Variants in CDYL2 observed in about 807,000 individuals in gnomAD.
CDYL2 encodes chromodomain Y-like protein 2.
Under a neutral mutation model 49.4 loss-of-function variants are expected in CDYL2, and 23 were observed. That is an observed-to-expected ratio of 0.47 (90% CI 0.34 to 0.66). The LOEUF is 0.66. Ranked by LOEUF, CDYL2 falls within the 30% of genes least tolerant of loss-of-function variation. The probability of loss-of-function intolerance (pLI) is 0.01; values close to 1 mark genes in which losing one functional copy is unlikely to be tolerated. For synonymous variants in CDYL2, 360 were observed against 268.8 expected, an observed-to-expected ratio of 1.34 and a Z score of -3.32; for missense variants, 678 against 656.4, an observed-to-expected ratio of 1.03 and a Z score of -0.36.
At chr16:80,760,918 G>A (rs1196295319) in intron 1 of CDYL2, among the ~76,000 whole-genome samples, 1 of 152,072 alleles carries the variant, frequency 6.6e-6, no homozygotes, top group Non-Finnish European at 1.5e-5. Context: ...AACATTAAGG[G>A]CCGGTGCGTC....
At position 80,598,015 on chromosome 16, in the gene CDYL2, G is replaced by A. The variant is rs555776840; in HGVS notation, c.*6373C>T. ...GGCACCCAGAAATGTGTTCATACAC[G>A]TTACAGGACCATTCACAAAGAGAGT... On this transcript the variant is annotated 3_prime_UTR_variant, in exon 7 of 7. Coordinates refer to ENST00000570137, the MANE Select transcript of CDYL2 (RefSeq NM_152342.4). 7 of 152,238 alleles carry A rather than the reference G, an allele frequency of 4.6e-5. No homozygotes were observed. In the South Asian group the frequency reaches 6.2e-4, roughly 14 times the overall value. 9.4% of individuals were successfully genotyped at this position (152,238 alleles called of 1,614,324 possible).
chr16:80,621,328 G>A (rs1266293214), intron 3 of CDYL2, among the ~76,000 whole-genome samples: 1 of 152,244 alleles, frequency 6.6e-6, no homozygotes, highest in Non-Finnish European at 1.5e-5. Context: ...AGGGATGTAA[G>A]CCATCTCTAG....
intron 5 of CDYL2, 46 bp from the exon 6 acceptor site, chr16:80,608,281 C>T (rs949020346): frequency 3.3e-6 from 5 of 1,511,358 alleles, no homozygotes; most frequent in East Asian, 5.0e-5. Context: ...GGAGGTCCAC[C>T]CATGTCCCTC....
At chr16:80,604,692 T>G in intron 6 of CDYL2, 146 bp from the exon 7 acceptor site, 2 of 772,760 alleles carry the variant, frequency 2.6e-6, no homozygotes, top group Non-Finnish European at 4.3e-6. Context: ...CCCAGTCCCA[T>G]GTTTCCAGCA....
chr16:80,714,944 T>C (rs1007667079), intron 1 of CDYL2, among the ~76,000 whole-genome samples: 2 of 152,082 alleles, frequency 1.3e-5, no homozygotes, highest in Non-Finnish European at 2.9e-5. Context: ...AAGTAGGATG[T>C]AGTCAAAGCC....
At chr16:80,688,996 G>A (rs1231475861) in intron 1 of CDYL2, among the ~76,000 whole-genome samples, 2 of 152,118 alleles carry the variant, frequency 1.3e-5, no homozygotes, top group Non-Finnish European at 2.9e-5. Context: ...ACCTGGGCAG[G>A]CCACTTGCTT....
chr16:80,772,070 G>A (rs915300385), intron 1 of CDYL2, among the ~76,000 whole-genome samples: 1 of 152,110 alleles, frequency 6.6e-6, no homozygotes, highest in African/African-American at 2.4e-5. Context: ...ATGGCAGCCA[G>A]AAGACAATGG....
intron 2 of CDYL2, among the ~76,000 whole-genome samples, chr16:80,641,241 G>C (rs1232241398): frequency 6.6e-6 from 1 of 152,098 alleles, no homozygotes; most frequent in Non-Finnish European, 1.5e-5. Flanking sequence ...CAATGTAGGA[G>C]CTTTAATACA....
intron 4 of CDYL2, among the ~76,000 whole-genome samples, chr16:80,615,760 T>C (rs745660169): frequency 5.6e-4 from 85 of 152,244 alleles, no homozygotes; most frequent in African/African-American, 2.0e-3. Flanking sequence ...CGTGCAGAGC[T>C]CTGACCCTCC....
At chr16:80,632,492 G>A (rs1459294005) in intron 3 of CDYL2, 1 of 155,932 alleles carries the variant, frequency 6.4e-6, no homozygotes, top group Non-Finnish European at 1.4e-5. Flanking sequence ...CAGTAGTGAT[G>A]ATGCTTGCAC....
chr16:80,793,028 C>A (rs967892364), intron 1 of CDYL2, among the ~76,000 whole-genome samples: 1 of 152,220 alleles, frequency 6.6e-6, no homozygotes, highest in Admixed American at 6.5e-5. Flanking sequence ...GCTTCGCCAT[C>A]TGTCCTAGCC....
chr16:80,763,081 T>A (rs1450342266), intron 1 of CDYL2, among the ~76,000 whole-genome samples: 1 of 152,112 alleles, frequency 6.6e-6, no homozygotes, highest in Non-Finnish European at 1.5e-5. Flanking sequence ...GGCGGCAGGA[T>A]CACTTGAGCC....
intron 1 of CDYL2, among the ~76,000 whole-genome samples, chr16:80,772,145 C>T (rs1313443726): frequency 1.3e-5 from 2 of 152,136 alleles, no homozygotes; most frequent in African/African-American, 4.8e-5. Flanking sequence ...CATGAAAAAA[C>T]ATCCTTCAAA....
At chr16:80,705,394 T>C (rs1052410814) in intron 1 of CDYL2, among the ~76,000 whole-genome samples, 2 of 152,246 alleles carry the variant, frequency 1.3e-5, no homozygotes, top group African/African-American at 4.8e-5. Context: ...GCAAACTTAC[T>C]GACCCCAAGA....
At chr16:80,624,350 A>G (rs1376256731) in intron 3 of CDYL2, among the ~76,000 whole-genome samples, 2 of 152,220 alleles carry the variant, frequency 1.3e-5, no homozygotes, top group African/African-American at 4.8e-5. Flanking sequence ...TGAGAAGCTA[A>G]AACTCCATAC....
intron 1 of CDYL2, among the ~76,000 whole-genome samples, chr16:80,687,782 C>G (rs1910257422): frequency 6.6e-6 from 1 of 152,172 alleles, no homozygotes; most frequent in Admixed American, 6.5e-5. Flanking sequence ...CTCTTTGGGC[C>G]TCAGATGACT....
At chr16:80,735,670 C>T (rs7498627) in intron 1 of CDYL2, among the ~76,000 whole-genome samples, 39,010 of 152,086 alleles carry the variant, frequency 0.26, 6,372 homozygotes, top group Middle Eastern at 0.48. Flanking sequence ...AGAAAAGCTC[C>T]GGGAAGTTTT....
chr16:80,650,933 T>C (rs555437017), intron 2 of CDYL2, among the ~76,000 whole-genome samples: 1 of 118,970 alleles, frequency 8.4e-6, no homozygotes, highest in South Asian at 2.9e-4. Flanking sequence ...ATTGAGCTCA[T>C]AGAAATACAG....
At chr16:80,692,827 G>A (rs987259079) in intron 1 of CDYL2, among the ~76,000 whole-genome samples, 2 of 152,102 alleles carry the variant, frequency 1.3e-5, no homozygotes, top group Admixed American at 1.3e-4. Context: ...TGTGTATATT[G>A]ACAAAACAAT....
Sources: allele counts gnomAD v4.1 joint callset (sites outside exome capture counted in the v4.1 genomes callset), GRCh38; gene constraint gnomAD v4.1.1; transcripts MANE v1.5; gene names NCBI Gene and HGNC (gene_info 2026-07-23, HGNC 2026-07-21).